Variants in COLEC11 observed in about 807,000 individuals in gnomAD.
The protein encoded by COLEC11 is collectin subfamily member 11, also known as collectin-11.
COLEC11 carries 20 observed loss-of-function variants against 27.3 expected under a neutral mutation model. The ratio of observed to expected loss-of-function variants is 0.73; its 90% CI spans 0.51 to 1.06. The LOEUF (loss-of-function observed/expected upper bound fraction) is 1.06. COLEC11 is among the 50% of genes least tolerant of loss of function. The probability of loss-of-function intolerance (pLI) is 0.00; values close to 1 mark genes in which losing one functional copy is unlikely to be tolerated. For missense variants in COLEC11, 310 were observed against 383.0 expected, an observed-to-expected ratio of 0.81 and a Z score of 1.59; for synonymous variants, 163 against 154.7, an observed-to-expected ratio of 1.05 and a Z score of -0.40.
intron 2 of COLEC11, among the ~76,000 whole-genome samples, chr2:3,607,987 A>C (rs1294904130): frequency 2.0e-5 from 3 of 152,156 alleles, no homozygotes; most frequent in African/African-American, 4.8e-5. Flanking sequence ...CAGGGATGTG[A>C]AGTCGCTGGC....
At chr2:3,626,485 C>T (rs541065592) in intron 3 of COLEC11, among the ~76,000 whole-genome samples, 42 of 152,312 alleles carry the variant, frequency 2.8e-4, no homozygotes, top group African/African-American at 8.7e-4. Flanking sequence ...GAAGGATAGA[C>T]GCACAATGTC....
At chr2:3,640,240 C>T in intron 4 of COLEC11, 38 bp from the exon 5 acceptor site, 1 of 1,316,884 alleles carries the variant, frequency 7.6e-7, no homozygotes, top group Middle Eastern at 1.9e-4. Flanking sequence ...ACATGTCCAT[C>T]TCTGCCTGGT....
At chr2:3,633,564 A>AGC (rs1308007743) in intron 3 of COLEC11, among the ~76,000 whole-genome samples, 1 of 152,082 alleles carries the variant, frequency 6.6e-6, no homozygotes, top group African/African-American at 2.4e-5. Context: ...GGGTGCTGTG[A>AGC]GCGCGTCCAG....
chr2:3,597,317 G>T (rs1420172752), intron 1 of COLEC11, among the ~76,000 whole-genome samples: 2 of 151,494 alleles, frequency 1.3e-5, no homozygotes, highest in Admixed American at 1.3e-4. Flanking sequence ...ATCCCACCTG[G>T]GCTGCTCTGG....
Position 3,626,617 on chromosome 2 carries a change from A to G in COLEC11, c.203-10916A>G, listed in dbSNP as rs547424115. ...CATGGGAACTCACTAGGGAATGAGC[A>G]TGACTTCCGGCCTCTGCAATAACCA... On this transcript the variant is annotated intron_variant, in intron 3 of 6. Coordinates refer to ENST00000349077, the MANE Select transcript of COLEC11 (RefSeq NM_024027.5). Among the ~76,000 whole-genome samples the G allele has an allele frequency of 5.2e-5, 8 of 152,382 alleles. No homozygotes were observed. The South Asian group carries it at 1.0e-3, about 20-fold the overall frequency.
chr2:3,616,239 A>T (rs536256432), intron 3 of COLEC11, among the ~76,000 whole-genome samples: 1 of 135,602 alleles, frequency 7.4e-6, no homozygotes, highest in African/African-American at 2.9e-5. Context: ...CCCAGACAGG[A>T]TGGCGGCCGG....
intron 2 of COLEC11, among the ~76,000 whole-genome samples, chr2:3,606,918 C>T (rs1418125181): frequency 1.3e-5 from 2 of 152,242 alleles, no homozygotes; most frequent in African/African-American, 4.8e-5. Context: ...AACAGACACA[C>T]ACGCAGTCAC....
chr2:3,604,034 G>A (rs1279586291), intron 1 of COLEC11: 12 of 571,600 alleles, frequency 2.1e-5, no homozygotes, highest in Admixed American at 1.2e-4. Context: ...AGATCAGATC[G>A]AACTCCTTGG....
intron 5 of COLEC11, among the ~76,000 whole-genome samples, chr2:3,643,216 A>T (rs928840375): frequency 6.6e-6 from 1 of 151,984 alleles, no homozygotes; most frequent in African/African-American, 2.4e-5. Context: ...TTCCCCCTAC[A>T]GCTGGAGAGG....
chr2:3,601,429 G>A (rs1190623763), intron 1 of COLEC11, among the ~76,000 whole-genome samples: 3 of 152,132 alleles, frequency 2.0e-5, no homozygotes, highest in Non-Finnish European at 2.9e-5. Flanking sequence ...AGCCTCTCCA[G>A]TAGCTGGGAC....
chr2:3,604,414 C>T lies in COLEC11; in HGVS notation c.74C>T (p.Pro25Leu). The change falls in exon 2 of 7, where the codon CCT becomes CTT. Residue 25 changes from proline (P) to leucine (L), a missense_variant. Pro to Leu is a moderately conservative substitution (Grantham distance 98). Transcript: ENST00000349077. ...AFLSLLPSGH[P>L]QPAGDDACSV... The stretch of plus-strand genomic sequence containing the variant: ...CTGTCACTGCTGCCATCTGGACATC[C>T]TCAGCCGGCTGGCGATGACGCCTGC... The T allele has an allele frequency of 1.2e-6, 2 of 1,614,242 alleles. No individual in the cohort carries two copies. Among genetic ancestry groups the T allele is most frequent in the Non-Finnish European group, 1.7e-6 (2 of 1,180,046 alleles).
At chr2:3,595,568 G>T (rs1357556196) in intron 1 of COLEC11, among the ~76,000 whole-genome samples, 1 of 152,200 alleles carries the variant, frequency 6.6e-6, no homozygotes, top group African/African-American at 2.4e-5. Flanking sequence ...CGTCTGACGG[G>T]CCAGGCGGAC....
chr2:3,622,132 G>A (rs1664229421), intron 3 of COLEC11, among the ~76,000 whole-genome samples: 2 of 150,664 alleles, frequency 1.3e-5, no homozygotes, highest in Admixed American at 6.6e-5. Flanking sequence ...TTGTGCCACC[G>A]CGCTCCAGCC....
At chr2:3,628,266 G>A (rs1664704034) in intron 3 of COLEC11, among the ~76,000 whole-genome samples, 1 of 152,262 alleles carries the variant, frequency 6.6e-6, no homozygotes, top group Admixed American at 6.5e-5. Context: ...TGCCCCGCAG[G>A]GTTCTAGAGA....
At chr2:3,613,796 C>T (rs1162628384) in intron 3 of COLEC11, among the ~76,000 whole-genome samples, 1 of 152,152 alleles carries the variant, frequency 6.6e-6, no homozygotes, top group Non-Finnish European at 1.5e-5. Flanking sequence ...GTGATTCTGC[C>T]TGCCTCGTGG....
At chr2:3,606,147 T>A (rs2147861287) in intron 2 of COLEC11, 1 of 1,550,562 alleles carries the variant, frequency 6.4e-7, no homozygotes, top group Admixed American at 2.0e-5. Context: ...AAACGGTGGC[T>A]GTGGAGAGCT....
chr2:3,616,007 C>T lies in COLEC11; in HGVS notation c.202+2625C>T, dbSNP rs543260792. ...GGGGCTCCTCACTTCTCAGACGGGG[C>T]GGCTGCCCGGCGGAGGGGCTCCTCA... On this transcript the variant is annotated intron_variant, in intron 3 of 6. Coordinates refer to ENST00000349077, the MANE Select transcript of COLEC11 (RefSeq NM_024027.5). Among the ~76,000 whole-genome samples the T allele has an allele frequency of 1.5e-4, 23 of 150,654 alleles. No individual in the cohort carries two copies. The East Asian group carries it at 3.0e-3, about 20-fold the overall frequency.
chr2:3,609,580 AGTG>A (rs1320459375), intron 2 of COLEC11, among the ~76,000 whole-genome samples: 2 of 149,870 alleles, frequency 1.3e-5, no homozygotes, highest in African/African-American at 4.9e-5. Context: ...CCCAGGCTGC[AGTG>A]CAATAGCGTG....
At chr2:3,637,276 G>T (rs761723865) in intron 3 of COLEC11, among the ~76,000 whole-genome samples, 1 of 152,174 alleles carries the variant, frequency 6.6e-6, no homozygotes, top group Non-Finnish European at 1.5e-5. Context: ...GGGGTGCCCC[G>T]TTCAGCCCCT....
Sources: allele counts gnomAD v4.1 joint callset (sites outside exome capture counted in the v4.1 genomes callset), GRCh38; gene constraint gnomAD v4.1.1; transcripts MANE v1.5; gene names NCBI Gene and HGNC (gene_info 2026-07-23, HGNC 2026-07-21).